The following HTR1F variants were observed in gnomAD, a reference collection of about 807,000 sequenced individuals.
The protein encoded by HTR1F is 5-hydroxytryptamine (serotonin) receptor 1F, G protein-coupled.
A neutral mutation model predicts 24.0 loss-of-function variants in HTR1F; 17 were observed. The ratio of observed to expected loss-of-function variants is 0.71; its 90% CI spans 0.48 to 1.06. The LOEUF (loss-of-function observed/expected upper bound fraction) is 1.06, where lower values mean the gene tolerates loss of function less well. Ranked by LOEUF, HTR1F falls within the 50% of genes least tolerant of loss-of-function variation. The pLI is 0.00. For missense variants in HTR1F, 391 were observed against 427.8 expected, an observed-to-expected ratio of 0.91 and a Z score of 0.76; for synonymous variants, 186 against 156.8, an observed-to-expected ratio of 1.19 and a Z score of -1.39.
chr3:87,897,624 C>T (rs1706231073), intron 2 of HTR1F, among the ~76,000 whole-genome samples: 1 of 152,004 alleles, frequency 6.6e-6, no homozygotes, highest in South Asian at 2.1e-4. Flanking sequence ...CATATAAAAC[C>T]CTTCATGATC....
At chr3:87,883,185 G>A (rs190461368) in intron 2 of HTR1F, among the ~76,000 whole-genome samples, 1 of 152,326 alleles carries the variant, frequency 6.6e-6, no homozygotes, top group East Asian at 1.9e-4. Context: ...AACAGGGTCT[G>A]GAGTGGACCT....
intron 2 of HTR1F, among the ~76,000 whole-genome samples, chr3:87,833,688 A>G (rs1704627506): frequency 6.6e-6 from 1 of 151,894 alleles, no homozygotes; most frequent in South Asian, 2.1e-4. Flanking sequence ...GTTTCACTAT[A>G]TTGCCTAGGC....
At chr3:87,831,229 T>G (rs903142818) in intron 2 of HTR1F, among the ~76,000 whole-genome samples, 1 of 151,672 alleles carries the variant, frequency 6.6e-6, no homozygotes, top group African/African-American at 2.4e-5. Flanking sequence ...AGTAATAATC[T>G]AATCAAGGTG....
intron 1 of HTR1F, among the ~76,000 whole-genome samples, chr3:87,803,690 C>G (rs1447166451): frequency 1.3e-5 from 2 of 152,018 alleles, no homozygotes; most frequent in Non-Finnish European, 2.9e-5. Flanking sequence ...TAATAAAAGT[C>G]AGATCAGGTC....
chr3:87,912,914 C>T (rs1287720454), intron 2 of HTR1F, among the ~76,000 whole-genome samples: 11 of 152,100 alleles, frequency 7.2e-5, no homozygotes, highest in Non-Finnish European at 1.3e-4. Flanking sequence ...GGACCCCTTC[C>T]TTATGCCACA....
chr3:87,957,733 A>G (rs1704975604), intron 2 of HTR1F, among the ~76,000 whole-genome samples: 1 of 151,188 alleles, frequency 6.6e-6, no homozygotes, highest in African/African-American at 2.4e-5. Flanking sequence ...TATTCATATG[A>G]TTTGTGTAGA....
intron 1 of HTR1F, among the ~76,000 whole-genome samples, chr3:87,805,817 A>G (rs1227956267): frequency 1.3e-5 from 2 of 152,104 alleles, no homozygotes; most frequent in African/African-American, 4.8e-5. Context: ...AGAAAAGAAA[A>G]TGAAATATGC....
chr3:87,903,346 G>A (rs1372784005), intron 2 of HTR1F, among the ~76,000 whole-genome samples: 5 of 151,154 alleles, frequency 3.3e-5, no homozygotes, highest in Non-Finnish European at 4.4e-5. Context: ...GCAACCTACA[G>A]AATGGGAGAA....
chr3:87,983,621 G>A (rs760759654), intron 2 of HTR1F, among the ~76,000 whole-genome samples: 7 of 152,136 alleles, frequency 4.6e-5, no homozygotes, highest in Non-Finnish European at 1.0e-4. Context: ...CTGGCCTGCT[G>A]TTTTATGAAA....
chr3:87,937,096 A>G (rs552548046), intron 2 of HTR1F, among the ~76,000 whole-genome samples: 12 of 151,668 alleles, frequency 7.9e-5, no homozygotes, highest in African/African-American at 1.4e-4. Flanking sequence ...AAAAAAAAAA[A>G]AAAAGAGGAC....
At chr3:87,970,428 G>A (rs1339376285) in intron 2 of HTR1F, among the ~76,000 whole-genome samples, 1 of 152,156 alleles carries the variant, frequency 6.6e-6, no homozygotes, top group Admixed American at 6.5e-5. Context: ...ACTACACTTT[G>A]AAAATTGCTG....
chr3:87,895,362 A>C (rs1211585432), intron 2 of HTR1F, among the ~76,000 whole-genome samples: 2 of 152,134 alleles, frequency 1.3e-5, no homozygotes, highest in Admixed American at 1.3e-4. Flanking sequence ...AAGATGCAAA[A>C]ATGGCCAACA....
chr3:87,797,770 G>T (rs1260728225), intron 1 of HTR1F, among the ~76,000 whole-genome samples: 1 of 152,214 alleles, frequency 6.6e-6, no homozygotes, highest in Non-Finnish European at 1.5e-5. Flanking sequence ...ATTAAAAGTA[G>T]CTGGAGTGGG....
chr3:87,887,715 G>C (rs940755388), intron 2 of HTR1F, among the ~76,000 whole-genome samples: 3 of 151,754 alleles, frequency 2.0e-5, no homozygotes, highest in African/African-American at 7.3e-5. Context: ...AAAGACACAT[G>C]AAATTGCTCA....
At chr3:87,797,343 G>A (rs1703922113) in intron 1 of HTR1F, among the ~76,000 whole-genome samples, 1 of 152,158 alleles carries the variant, frequency 6.6e-6, no homozygotes, top group Non-Finnish European at 1.5e-5. Flanking sequence ...CTATCTGGGT[G>A]TTAAAATTAT....
chr3:87,950,303 T>C (rs549377882), intron 2 of HTR1F, among the ~76,000 whole-genome samples: 2 of 152,294 alleles, frequency 1.3e-5, no homozygotes, highest in East Asian at 1.9e-4. Flanking sequence ...ATGCAAACCA[T>C]AGCAAACAAC....
At chr3:87,948,669 G>C (rs1018083223) in intron 2 of HTR1F, among the ~76,000 whole-genome samples, 6 of 151,914 alleles carry the variant, frequency 3.9e-5, no homozygotes, top group Non-Finnish European at 8.8e-5. Flanking sequence ...TTTTTGTAGA[G>C]AGGGTTCTGT....
chr3:87,988,587 T>G (rs568453058), intron 2 of HTR1F, among the ~76,000 whole-genome samples: 6 of 152,250 alleles, frequency 3.9e-5, no homozygotes, highest in African/African-American at 1.4e-4. Flanking sequence ...GTTGTTGTTC[T>G]TGTTGTTGTT....
chr3:87,986,274 G>T (rs1173620403), intron 2 of HTR1F, among the ~76,000 whole-genome samples: 6 of 152,146 alleles, frequency 3.9e-5, no homozygotes, highest in African/African-American at 1.4e-4. Flanking sequence ...AATAGCAAGA[G>T]AAATAGGAGA....
Sources: gnomAD v4.1 joint callset for allele counts (sites outside exome capture counted in the v4.1 genomes callset) on GRCh38, gnomAD v4.1.1 for gene constraint, MANE v1.5 for transcripts, NCBI Gene and HGNC (gene_info 2026-07-23, HGNC 2026-07-21) for gene names.